Variants in CELSR1 observed in about 807,000 individuals in gnomAD.
CELSR1 encodes cadherin EGF LAG seven-pass G-type receptor 1, also known as adhesion G protein-coupled receptor C1.
In CELSR1, 110 loss-of-function variants were observed where a neutral mutation model predicts 249.1. That is an observed-to-expected ratio of 0.44 (90% CI 0.38 to 0.52). The LOEUF (loss-of-function observed/expected upper bound fraction) is 0.52, where lower values mean the gene tolerates loss of function less well. Among genes scored for constraint, CELSR1 ranks in the 20% least tolerant of loss-of-function variants. The probability of loss-of-function intolerance (pLI) is 0.00; values close to 1 mark genes in which losing one functional copy is unlikely to be tolerated. For missense variants in CELSR1, 4,109 were observed against 4,296.4 expected (o/e 0.96, Z 1.22); for synonymous variants, 2,113 against 1,900.0 (o/e 1.11, Z -2.92).
At chr22:46,435,915 G>A (rs941751698) in intron 4 of CELSR1, among the ~76,000 whole-genome samples, 1 of 151,532 alleles carries the variant, frequency 6.6e-6, no homozygotes, top group Non-Finnish European at 1.5e-5. Flanking sequence ...TGGTCAGGCT[G>A]GTCTCGATCT....
chr22:46,527,442 GC>G lies in CELSR1; in HGVS notation c.3544+6184del, dbSNP rs1167547389. 2.6e-5 allele frequency among the ~76,000 whole-genome samples: 4 copies of G among 152,076 alleles called. No individual in the cohort carries two copies. The highest frequency in any genetic ancestry group is 7.2e-5 in the African/African-American group (3 of 41,396). On this transcript the variant is annotated intron_variant, in intron 1 of 34. Transcript: ENST00000674500. This position sits in a 1 kb window ranked among gnomAD's most constrained non-coding sequence, Gnocchi z 5.5. Reference sequence around the variant, plus strand: ...GATCCATCTGACTCCCGGTCTCCCTGCCCATCACACACTGCACACGTCCAGG... The same window carrying G: ...GATCCATCTGACTCCCGGTCTCCCTGCCATCACACACTGCACACGTCCAGG...
At position 46,393,011 on chromosome 22, in the gene CELSR1, G is replaced by C. The variant is rs973999317; in HGVS notation, c.5964+1131C>G. Among the ~76,000 whole-genome samples, 1 of 152,218 alleles carries C rather than the reference G, an allele frequency of 6.6e-6. No homozygotes were observed. The highest frequency in any genetic ancestry group is 1.5e-5 in the Non-Finnish European group (1 of 68,038). On this transcript the variant is annotated intron_variant, in intron 14 of 34. Coordinates refer to ENST00000674500, the MANE Select transcript of CELSR1 (RefSeq NM_001378328.1). This position sits in a 1 kb window ranked among gnomAD's most constrained non-coding sequence, Gnocchi z 4.1. ...AGAGCTGTTTAATTTGAGCCTTTCA[G>C]GACACAAGTCCCATTTGCTGTTGGA...
chr22:46,508,968 C>G (rs1338666333), intron 1 of CELSR1, among the ~76,000 whole-genome samples: 1 of 152,182 alleles, frequency 6.6e-6, no homozygotes, highest in Non-Finnish European at 1.5e-5. Context: ...TAGCCACGAC[C>G]CTCACCTCTT....
Position 46,399,670 on chromosome 22 carries a change from G to GCCGGAGGAAGGGTCTATCC in CELSR1, c.5412+28_5412+46dup. On this transcript the variant is annotated intron_variant, in intron 10 of 34. Coordinates refer to ENST00000674500, the MANE Select transcript of CELSR1 (RefSeq NM_001378328.1). This position sits in a 1 kb window ranked among gnomAD's most constrained non-coding sequence, Gnocchi z 5.0. ...AAGGGGTCATTCTGTTTTTCCCTGGGCCGGAGGAAGGGTCTATCCCCAGAG... is the reference window on the plus strand; with the variant it reads ...AAGGGGTCATTCTGTTTTTCCCTGGGCCGGAGGAAGGGTCTATCCCCGGAGGAAGGGTCTATCCCCAGAG... The GCCGGAGGAAGGGTCTATCC allele has an allele frequency of 6.3e-7, 1 of 1,584,388 alleles. No individual in the cohort carries two copies. Among genetic ancestry groups the GCCGGAGGAAGGGTCTATCC allele is most frequent in the Non-Finnish European group, 8.7e-7 (1 of 1,154,646 alleles).
chr22:46,481,288 T>C (rs946567586), intron 1 of CELSR1: 2 of 529,948 alleles, frequency 3.8e-6, no homozygotes, highest in Non-Finnish European at 6.9e-6. Flanking sequence ...AAAAAATACA[T>C]TATTGCCCTC....
Position 46,381,408 on chromosome 22 carries a change from G to A in CELSR1, c.7088+438C>T, listed in dbSNP as rs2078976633. ...CAGGAAGAAGGAGGGCGGAGCCTTG[G>A]GCTGCTCCCACCGAGCAGGTTGCAA... On this transcript the variant is annotated intron_variant, in intron 21 of 34. Coordinates refer to ENST00000674500, the MANE Select transcript of CELSR1 (RefSeq NM_001378328.1). This position sits in a 1 kb window ranked among gnomAD's most constrained non-coding sequence, Gnocchi z 6.0. Among the ~76,000 whole-genome samples the A allele has an allele frequency of 6.6e-6, 1 of 151,906 alleles. No homozygotes were observed. Among genetic ancestry groups the A allele is most frequent in the African/African-American group, 2.4e-5 (1 of 41,316 alleles).
chr22:46,498,555 G>A (rs1440691216), intron 1 of CELSR1, among the ~76,000 whole-genome samples: 1 of 151,068 alleles, frequency 6.6e-6, no homozygotes, highest in African/African-American at 2.4e-5. Context: ...GGAGGTTGTA[G>A]TGAGCTGAGA....
chr22:46,404,913 C>T (rs2079249124), intron 9 of CELSR1, among the ~76,000 whole-genome samples: 1 of 152,166 alleles, frequency 6.6e-6, no homozygotes, highest in African/African-American at 2.4e-5. Flanking sequence ...CAACCTCTGC[C>T]TCCTGAGTTC....
intron 29 of CELSR1, among the ~76,000 whole-genome samples, chr22:46,366,769 G>C (rs2078787876): frequency 6.6e-6 from 1 of 152,178 alleles, no homozygotes; most frequent in Non-Finnish European, 1.5e-5. Flanking sequence ...CTCTTTCTAA[G>C]GCCTGGAAGA....
intron 18 of CELSR1, among the ~76,000 whole-genome samples, chr22:46,389,069 C>CT (rs774068513): frequency 3.9e-4 from 59 of 152,382 alleles, no homozygotes; most frequent in Non-Finnish European, 7.2e-4. Flanking sequence ...ACCAGCAAGG[C>CT]TGTGACCTGC....
chr22:46,395,836 C>T lies in CELSR1; in HGVS notation c.5843+769G>A, dbSNP rs759282783. Reference sequence around the variant, plus strand: ...GACAAAGTGACGCTTGTGATGACTACGCACCTGTACCCAGCGATCCCCGTG... The same window carrying T: ...GACAAAGTGACGCTTGTGATGACTATGCACCTGTACCCAGCGATCCCCGTG... On this transcript the variant is annotated intron_variant, in intron 13 of 34. Transcript: ENST00000674500. This position sits in a 1 kb window ranked among gnomAD's most constrained non-coding sequence, Gnocchi z 5.5. Among the ~76,000 whole-genome samples the T allele has an allele frequency of 1.2e-4, 18 of 152,190 alleles. No homozygotes were observed. Among genetic ancestry groups the T allele is most frequent in the Non-Finnish European group, 2.2e-4 (15 of 68,036 alleles).
chr22:46,409,892 G>A lies in CELSR1; in HGVS notation c.4934-12C>T, dbSNP rs2079312422. The A allele has an allele frequency of 6.2e-7, 1 of 1,611,312 alleles. No individual in the cohort carries two copies. The highest frequency in any genetic ancestry group is 8.5e-7 in the Non-Finnish European group (1 of 1,179,920). On this transcript the variant is annotated splice_polypyrimidine_tract_variant and intron_variant, in intron 7 of 34. Coordinates refer to ENST00000674500, the MANE Select transcript of CELSR1 (RefSeq NM_001378328.1). The surrounding 1 kb of genome is among the most constrained non-coding windows in gnomAD (Gnocchi z 9.8). ...CCGAGCAGCGCAGCCTGGCAACACA[G>A]AGCGTGCGGCAGAGCCTGACTCGGA...
At chr22:46,470,982 G>T (rs1197545029) in intron 1 of CELSR1, among the ~76,000 whole-genome samples, 3 of 152,050 alleles carry the variant, frequency 2.0e-5, no homozygotes, top group Non-Finnish European at 2.9e-5. Flanking sequence ...AAGATTAGCA[G>T]GGCGTTGTGG....
intron 1 of CELSR1, among the ~76,000 whole-genome samples, chr22:46,486,175 G>A (rs1026028256): frequency 4.0e-5 from 6 of 150,794 alleles, no homozygotes; most frequent in Non-Finnish European, 7.4e-5. Context: ...TCCTGACCTC[G>A]TGATCCGCCA....
rs542030540 is a variant in CELSR1 at position 46,486,367 on chromosome 22, G to A, written c.3545-22022C>T. ...ATTTGAGACCAGACTGGCCAACATG[G>A]TGAAACCCCATCTCTACTAAAAATA... On this transcript the variant is annotated intron_variant, in intron 1 of 34. Transcript: ENST00000674500. 3.3e-5 allele frequency among the ~76,000 whole-genome samples: 5 copies of A among 151,768 alleles called. No homozygotes were observed. The East Asian group carries it at 1.0e-3, about 30-fold the overall frequency.
At chr22:46,492,102 C>A (rs1399326673) in intron 1 of CELSR1, among the ~76,000 whole-genome samples, 1 of 152,230 alleles carries the variant, frequency 6.6e-6, no homozygotes, top group Non-Finnish European at 1.5e-5. Context: ...GGCGCTGCGA[C>A]CTGCAATGGC....
At chr22:46,474,448 G>GGAA (rs1343394976) in intron 1 of CELSR1, among the ~76,000 whole-genome samples, 1 of 152,118 alleles carries the variant, frequency 6.6e-6, no homozygotes, top group Non-Finnish European at 1.5e-5. Context: ...ACCCCCGGCG[G>GGAA]CCAGCACCCA....
At position 46,395,462 on chromosome 22, in the gene CELSR1, G is replaced by A. The variant is rs111639427; in HGVS notation, c.5843+1143C>T. Among the ~76,000 whole-genome samples, 7,745 of 151,968 alleles carry A rather than the reference G, an allele frequency of 0.051. 646 individuals are homozygous for A. Among genetic ancestry groups the A allele is most frequent in the African/African-American group, 0.18 (7,265 of 41,390 alleles). On this transcript the variant is annotated intron_variant, in intron 13 of 34. Coordinates refer to ENST00000674500, the MANE Select transcript of CELSR1 (RefSeq NM_001378328.1). The surrounding 1 kb of genome is among the most constrained non-coding windows in gnomAD (Gnocchi z 5.5). ...TCTCCAGCTTGGCTCTGTTGCTTTCGCTCCCAGAATGCCCTCCCGCTTCAG... is the reference window on the plus strand; with the variant it reads ...TCTCCAGCTTGGCTCTGTTGCTTTCACTCCCAGAATGCCCTCCCGCTTCAG...
intron 5 of CELSR1, among the ~76,000 whole-genome samples, chr22:46,432,829 G>A (rs1049287095): frequency 3.9e-5 from 6 of 152,050 alleles, no homozygotes; most frequent in African/African-American, 9.7e-5. Context: ...CTCCCCCAGC[G>A]CAGGAGATCT....
Sources: allele counts gnomAD v4.1 joint callset (sites outside exome capture counted in the v4.1 genomes callset), GRCh38; gene constraint gnomAD v4.1.1; non-coding constraint Gnocchi (gnomAD v3.1); transcripts MANE v1.5; gene names NCBI Gene and HGNC (gene_info 2026-07-23, HGNC 2026-07-21).